Variants in UBE2K observed in about 807,000 individuals in gnomAD.
The protein encoded by UBE2K is ubiquitin-conjugating enzyme E2 K.
In UBE2K, 6 loss-of-function variants were observed where a neutral mutation model predicts 30.0. That is an observed-to-expected ratio of 0.20 (90% CI 0.11 to 0.39). The LOEUF (loss-of-function observed/expected upper bound fraction) is 0.39. Among genes scored for constraint, UBE2K ranks in the 10% least tolerant of loss-of-function variants. The probability of loss-of-function intolerance (pLI) is 1.00; values close to 1 mark genes in which losing one functional copy is unlikely to be tolerated. For missense variants in UBE2K, 61 were observed against 241.6 expected (o/e 0.25, Z 4.96); for synonymous variants, 86 against 83.7 (o/e 1.03, Z -0.15).
At chr4:39,778,331 A>G in intron 6 of UBE2K, 29 bp from the exon 7 acceptor site, 1 of 1,462,024 alleles carries the variant, frequency 6.8e-7, no homozygotes, top group Non-Finnish European at 9.5e-7. Context: ...CTTGAGATTT[A>G]ATTTCCTGTC....
At chr4:39,760,691 A>G (rs1419835036) in intron 4 of UBE2K, among the ~76,000 whole-genome samples, 3 of 152,130 alleles carry the variant, frequency 2.0e-5, no homozygotes, top group Non-Finnish European at 4.4e-5. Context: ...AGGTCAGGAG[A>G]TTGAGACCAT....
intron 1 of UBE2K, among the ~76,000 whole-genome samples, chr4:39,706,871 T>G (rs1718396769): frequency 6.6e-6 from 1 of 152,008 alleles, no homozygotes; most frequent in Non-Finnish European, 1.5e-5. Flanking sequence ...GTGTAAATGC[T>G]ATGGGATTCT....
intron 4 of UBE2K, among the ~76,000 whole-genome samples, chr4:39,757,381 A>C (rs765294434): frequency 9.0e-4 from 137 of 152,120 alleles, no homozygotes; most frequent in Non-Finnish European, 1.8e-3. Context: ...CCTGAAAGAA[A>C]ATCAAATAGG....
chr4:39,726,192 T>G (rs1719742873), intron 1 of UBE2K, among the ~76,000 whole-genome samples: 1 of 152,062 alleles, frequency 6.6e-6, no homozygotes, highest in South Asian at 2.1e-4. Flanking sequence ...ATGTCTGTCT[T>G]AACATGTTGA....
chr4:39,740,717 G>C (rs1377691146), intron 2 of UBE2K, among the ~76,000 whole-genome samples: 2 of 150,550 alleles, frequency 1.3e-5, no homozygotes, highest in African/African-American at 4.9e-5. Context: ...AAAAAAATTA[G>C]CCAGGCGTGA....
intron 1 of UBE2K, among the ~76,000 whole-genome samples, chr4:39,701,481 C>G (rs1718007801): frequency 6.6e-6 from 1 of 152,068 alleles, no homozygotes; most frequent in Non-Finnish European, 1.5e-5. Flanking sequence ...TTTAGATGTC[C>G]TATTTCCTAG....
At chr4:39,752,325 CTTTTTTTTTCTTTTTTT>C (rs1721304693) in intron 3 of UBE2K, among the ~76,000 whole-genome samples, 1 of 63,306 alleles carries the variant, frequency 1.6e-5, no homozygotes, top group African/African-American at 6.1e-5. Context: ...TTTTTTTTTT[CTTTTTTTTTCTTTTTTT>C]TTTTTTTTTT....
chr4:39,698,291 CGGA>C lies in UBE2K; in HGVS notation c.-31_-29del. Reference sequence around the variant, plus strand: ...GCGGTGGCGGTGGTCGTAGCGGTGGCGGAGGAGGCGGGTACGAATCAGCTGCGG... The same window carrying C: ...GCGGTGGCGGTGGTCGTAGCGGTGGCGGAGGCGGGTACGAATCAGCTGCGG... On this transcript the variant is annotated 5_prime_UTR_variant, in exon 1 of 7. Transcript: ENST00000261427. 6.3e-7 allele frequency: 1 copy of C among 1,596,540 alleles called. No homozygotes were observed. Among genetic ancestry groups the C allele is most frequent in the South Asian group, 1.1e-5 (1 of 88,814 alleles).
At chr4:39,762,671 G>T (rs1578491806) in intron 4 of UBE2K, among the ~76,000 whole-genome samples, 2 of 152,344 alleles carry the variant, frequency 1.3e-5, no homozygotes, top group Admixed American at 1.3e-4. Flanking sequence ...GTCTCACACT[G>T]TTGAGCAGGC....
At chr4:39,737,156 A>G (rs989123173) in intron 1 of UBE2K, among the ~76,000 whole-genome samples, 1 of 152,154 alleles carries the variant, frequency 6.6e-6, no homozygotes, top group Non-Finnish European at 1.5e-5. Flanking sequence ...ATTTTTCCCT[A>G]ATAACATTCC....
At chr4:39,704,131 C>G (rs185121461) in intron 1 of UBE2K, among the ~76,000 whole-genome samples, 2 of 151,716 alleles carry the variant, frequency 1.3e-5, no homozygotes, top group Non-Finnish European at 2.9e-5. Flanking sequence ...TGGCTCACAT[C>G]GGTAATTGCA....
At chr4:39,711,514 C>T (rs4362831) in intron 1 of UBE2K, among the ~76,000 whole-genome samples, 126,188 of 151,828 alleles carry the variant, frequency 0.83, 53,073 homozygotes, top group African/African-American at 0.94. Context: ...TTCTTTAATA[C>T]AGACTATATT....
rs971314568 is a variant in UBE2K at position 39,770,979 on chromosome 4, G to A, written c.300-3855G>A. The A allele has an allele frequency of 6.9e-6, 11 of 1,602,818 alleles. No individual in the cohort carries two copies. In the African/African-American group the frequency reaches 1.5e-4, roughly 21 times the overall value. ...GCTTTGGGGTCCTGGCTGGAGGGAG[G>A]AGGGACTTGTTGGCGCTGACGCTGC... On this transcript the variant is annotated intron_variant, in intron 4 of 6. Coordinates refer to ENST00000261427, the MANE Select transcript of UBE2K (RefSeq NM_005339.5).
intron 2 of UBE2K, among the ~76,000 whole-genome samples, chr4:39,741,652 CG>C (rs1199319014): frequency 6.6e-6 from 1 of 152,156 alleles, no homozygotes; most frequent in East Asian, 1.9e-4. Context: ...AGAGTACTCA[CG>C]GGAAAATGCC....
chr4:39,736,801 GA>G (rs1720405254), intron 1 of UBE2K, among the ~76,000 whole-genome samples: 1 of 152,152 alleles, frequency 6.6e-6, no homozygotes, highest in African/African-American at 2.4e-5. Context: ...AAACTAAGCA[GA>G]AAAACAAATT....
rs1370671467 is a variant in UBE2K, at chr4:39,782,053, G to T, written c.*3619G>T. 5.0e-6 allele frequency: 2 copies of T among 397,956 alleles called. No homozygotes were observed. The highest frequency in any genetic ancestry group is 4.1e-5 in the African/African-American group (2 of 48,736). The allele number at this position is 397,956 out of a possible 1,614,324, so 24.7% of individuals were successfully genotyped here. The stretch of plus-strand genomic sequence containing the variant: ...AAGATCTTGTGGCATAGGGGTAGGG[G>T]AGTGTTAGTATCTCCCTTGTCCCAT... On this transcript the variant is annotated 3_prime_UTR_variant, in exon 7 of 7. Transcript: ENST00000261427.
intron 1 of UBE2K, among the ~76,000 whole-genome samples, chr4:39,711,745 A>G (rs1240305921): frequency 6.6e-6 from 1 of 151,720 alleles, no homozygotes; most frequent in East Asian, 1.9e-4. Flanking sequence ...CATTCCCACT[A>G]AAAGAGTTCT....
At chr4:39,776,281 A>T (rs917740033) in intron 5 of UBE2K, among the ~76,000 whole-genome samples, 9 of 152,154 alleles carry the variant, frequency 5.9e-5, no homozygotes, top group African/African-American at 9.7e-5. Flanking sequence ...CACTATATTT[A>T]CATAATTACT....
chr4:39,738,793 T>A (rs1158381740), intron 2 of UBE2K, among the ~76,000 whole-genome samples: 1 of 152,088 alleles, frequency 6.6e-6, no homozygotes, highest in African/African-American at 2.4e-5. Flanking sequence ...TTCTCCTGCC[T>A]TAGCCTCCTG....
Sources: gnomAD v4.1 joint callset for allele counts (sites outside exome capture counted in the v4.1 genomes callset) on GRCh38, gnomAD v4.1.1 for gene constraint, MANE v1.5 for transcripts, NCBI Gene and HGNC (gene_info 2026-07-23, HGNC 2026-07-21) for gene names.